The following PTCHD4 variants were observed in gnomAD, a reference collection of about 807,000 sequenced individuals.
PTCHD4 encodes patched domain containing 4, also known as patched domain-containing protein 4.
In PTCHD4, 33 loss-of-function variants were observed where a neutral mutation model predicts 58.1. The ratio of observed to expected loss-of-function variants is 0.57; its 90% CI spans 0.43 to 0.76. The LOEUF is 0.76. Ranked by LOEUF, PTCHD4 falls within the 30% of genes least tolerant of loss-of-function variation. PTCHD4 has a pLI of 0.00. For missense variants in PTCHD4, 1,058 were observed against 1,027.1 expected, an observed-to-expected ratio of 1.03 and a Z score of -0.41; for synonymous variants, 478 against 409.6, an observed-to-expected ratio of 1.17 and a Z score of -2.02.
At chr6:48,012,220 A>G (rs565324822) in intron 3 of PTCHD4, among the ~76,000 whole-genome samples, 3 of 152,074 alleles carry the variant, frequency 2.0e-5, no homozygotes, top group Non-Finnish European at 2.9e-5. Context: ...ATGTTTTTCT[A>G]TTTGTTTGTG....
rs532917005 is a variant in PTCHD4, at chr6:47,947,550, T to G, written c.898+61084A>C. Among the ~76,000 whole-genome samples, 42 of 152,248 alleles carry G rather than the reference T, an allele frequency of 2.8e-4. No homozygotes were observed. The South Asian group carries it at 8.1e-3, about 29-fold the overall frequency. On this transcript the variant is annotated intron_variant, in intron 4 of 4. Transcript: ENST00000339488. ...TATTTTACCCTTATTCAAAAGAGTTTTTTTTTCTGGATATAGAATTCCATG... is the reference window on the plus strand; with the variant it reads ...TATTTTACCCTTATTCAAAAGAGTTGTTTTTTCTGGATATAGAATTCCATG...
At chr6:48,019,447 T>C (rs1172272054) in intron 3 of PTCHD4, among the ~76,000 whole-genome samples, 1 of 152,010 alleles carries the variant, frequency 6.6e-6, no homozygotes, top group Non-Finnish European at 1.5e-5. Context: ...TAAAAAAATA[T>C]AAGTACTGGC....
At chr6:47,934,677 G>T (rs1765940995) in intron 4 of PTCHD4, among the ~76,000 whole-genome samples, 1 of 151,798 alleles carries the variant, frequency 6.6e-6, no homozygotes, top group South Asian at 2.1e-4. Flanking sequence ...AAAGCATTTG[G>T]GTCTGAAATG....
At chr6:47,949,586 G>T (rs1431068096) in intron 4 of PTCHD4, among the ~76,000 whole-genome samples, 3 of 152,096 alleles carry the variant, frequency 2.0e-5, no homozygotes, top group African/African-American at 7.2e-5. Context: ...GGTTGCTATG[G>T]CTGTCTGTGT....
chr6:48,103,229 C>T (rs569338094), intron 1 of PTCHD4, among the ~76,000 whole-genome samples: 14 of 152,262 alleles, frequency 9.2e-5, no homozygotes, highest in Admixed American at 3.3e-4. Flanking sequence ...ACACCTCACA[C>T]GGCCGGGTAC....
intron 4 of PTCHD4, among the ~76,000 whole-genome samples, chr6:47,956,883 G>T (rs574646340): frequency 1.3e-5 from 2 of 152,046 alleles, no homozygotes; most frequent in African/African-American, 2.4e-5. Context: ...ATTGCCTTTC[G>T]TTGGGCGTGG....
chr6:48,026,174 C>T (rs956472763), intron 3 of PTCHD4, among the ~76,000 whole-genome samples: 1 of 152,108 alleles, frequency 6.6e-6, no homozygotes, highest in Non-Finnish European at 1.5e-5. Flanking sequence ...ACCTCCTGGG[C>T]TGGAAAGTGT....
At chr6:48,043,832 A>G (rs10456575) in intron 3 of PTCHD4, among the ~76,000 whole-genome samples, 6,735 of 151,960 alleles carry the variant, frequency 0.044, 208 homozygotes, top group Non-Finnish European at 0.065. Context: ...AAAGTTATAC[A>G]GAATTCTAGC....
Position 48,015,442 on chromosome 6 carries a change from C to A in PTCHD4, c.418-6328G>T, listed in dbSNP as rs1443314560. ...TTTCTAGAGGAGTCCTCAGACCTGTCTCCTATCACCCTTCTCATGAACTCT... is the reference window on the plus strand; with the variant it reads ...TTTCTAGAGGAGTCCTCAGACCTGTATCCTATCACCCTTCTCATGAACTCT... On this transcript the variant is annotated intron_variant, in intron 3 of 4. Coordinates refer to ENST00000339488, the MANE Select transcript of PTCHD4 (RefSeq NM_001384253.1). 2.0e-5 allele frequency among the ~76,000 whole-genome samples: 3 copies of A among 151,972 alleles called. No individual in the cohort carries two copies. In the South Asian group the frequency reaches 6.2e-4, roughly 32 times the overall value.
At chr6:47,924,733 G>C (rs941118982) in intron 4 of PTCHD4, among the ~76,000 whole-genome samples, 3 of 152,106 alleles carry the variant, frequency 2.0e-5, no homozygotes, top group African/African-American at 7.2e-5. Flanking sequence ...AACCAGTTGA[G>C]AGCAGATTGT....
intron 4 of PTCHD4, among the ~76,000 whole-genome samples, chr6:47,929,861 G>T (rs905908073): frequency 6.6e-6 from 1 of 152,196 alleles, no homozygotes; most frequent in African/African-American, 2.4e-5. Flanking sequence ...TCACCCTGGT[G>T]GGAGCATTCT....
At chr6:48,103,023 G>C (rs1367439563) in intron 1 of PTCHD4, among the ~76,000 whole-genome samples, 2 of 152,220 alleles carry the variant, frequency 1.3e-5, no homozygotes, top group Admixed American at 6.5e-5. Flanking sequence ...CTCCACCTCT[G>C]GGGGCAGGGC....
chr6:47,962,740 G>A (rs1767143024), intron 4 of PTCHD4, among the ~76,000 whole-genome samples: 1 of 151,824 alleles, frequency 6.6e-6, no homozygotes, highest in Admixed American at 6.6e-5. Flanking sequence ...CCCAGTCTCG[G>A]GCTATAAAGA....
intron 3 of PTCHD4, among the ~76,000 whole-genome samples, chr6:48,021,669 G>A (rs182242941): frequency 3.9e-5 from 6 of 152,140 alleles, no homozygotes; most frequent in African/African-American, 1.4e-4. Context: ...GGAATATGAA[G>A]TTGAATACAA....
intron 4 of PTCHD4, chr6:47,901,226 A>G (rs925872136): frequency 1.3e-5 from 2 of 152,096 alleles, no homozygotes; most frequent in African/African-American, 4.8e-5. Context: ...AATAAACCTC[A>G]TTTGTTCATT....
At chr6:48,015,677 C>A (rs185971836) in intron 3 of PTCHD4, among the ~76,000 whole-genome samples, 2 of 151,892 alleles carry the variant, frequency 1.3e-5, no homozygotes, top group Non-Finnish European at 1.5e-5. Context: ...ATTGCATAGA[C>A]CTTTTATCTT....
intron 4 of PTCHD4, among the ~76,000 whole-genome samples, chr6:47,927,387 C>A (rs1188644474): frequency 6.6e-6 from 1 of 152,152 alleles, no homozygotes; most frequent in African/African-American, 2.4e-5. Context: ...GCACTCATTC[C>A]CTGCTGGTCC....
chr6:48,042,060 C>T (rs1481929658), intron 3 of PTCHD4, among the ~76,000 whole-genome samples: 1 of 152,022 alleles, frequency 6.6e-6, no homozygotes, highest in East Asian at 1.9e-4. Flanking sequence ...CTAGCCTCCT[C>T]TATTTTAAAG....
chr6:48,078,054 A>G (rs937070413), intron 1 of PTCHD4, among the ~76,000 whole-genome samples: 5 of 152,218 alleles, frequency 3.3e-5, no homozygotes, highest in Admixed American at 6.5e-5. Context: ...AAAAAACACA[A>G]TATCTGCAAA....
Sources: gnomAD v4.1 joint callset for allele counts (sites outside exome capture counted in the v4.1 genomes callset) on GRCh38, gnomAD v4.1.1 for gene constraint, MANE v1.5 for transcripts, NCBI Gene and HGNC (gene_info 2026-07-23, HGNC 2026-07-21) for gene names.